Variants in TUBB3 observed in about 807,000 individuals in gnomAD.
TUBB3 encodes tubulin beta-3 chain.
Under a neutral mutation model 37.8 loss-of-function variants are expected in TUBB3, and 17 were observed. The ratio of observed to expected loss-of-function variants is 0.45; its 90% CI spans 0.31 to 0.67. TUBB3 has a LOEUF of 0.67. Ranked by LOEUF, TUBB3 falls within the 30% of genes least tolerant of loss-of-function variation. The pLI, the probability that TUBB3 is intolerant of heterozygous loss-of-function variation, is 0.07. For synonymous variants in TUBB3, 332 were observed against 278.9 expected, an observed-to-expected ratio of 1.19 and a Z score of -1.90; for missense variants, 262 against 657.9, an observed-to-expected ratio of 0.40 and a Z score of 6.58.
chr16:89,936,046 G>A lies in TUBB3; in HGVS notation c.*242G>A. The A allele has an allele frequency of 1.7e-6, 1 of 598,866 alleles. No homozygotes were observed. The highest frequency in any genetic ancestry group is 2.9e-6 in the Non-Finnish European group (1 of 339,490). 37.1% of individuals were successfully genotyped at this position (598,866 alleles called of 1,614,324 possible). A position where few individuals can be genotyped will look rare whatever the true frequency, so the allele number is the denominator to read the frequency against. Reference sequence around the variant, plus strand: ...TTACGGTTTTGTTTTTTACTGGTTTGTGTTTATATTTTCGGGGATACTTAA... The same window carrying A: ...TTACGGTTTTGTTTTTTACTGGTTTATGTTTATATTTTCGGGGATACTTAA... On this transcript the variant is annotated 3_prime_UTR_variant, in exon 4 of 4. Coordinates refer to ENST00000315491, the MANE Select transcript of TUBB3 (RefSeq NM_006086.4).
rs2030309564 is a variant in TUBB3, at chr16:89,932,424, T to C, written c.58-147T>C. On this transcript the variant is annotated intron_variant, in intron 1 of 3. Transcript: ENST00000315491. The stretch of plus-strand genomic sequence containing the variant: ...GGCAATTTTCTGACAGGTAACAGAG[T>C]GTGGGGCTCTCTTCTGAATGGGGCT... 7.0e-5 allele frequency: 48 copies of C among 682,682 alleles called. 1 individual carries two copies. In the South Asian group the frequency reaches 7.1e-4, roughly 10 times the overall value. The allele number at this position is 682,682 out of a possible 1,614,324, so 42.3% of individuals were successfully genotyped here.
At chr16:89,933,298 A>G in intron 2 of TUBB3, 170 bp from the exon 3 acceptor site, 1 of 748,966 alleles carries the variant, frequency 1.3e-6, no homozygotes, top group East Asian at 2.5e-5. Flanking sequence ...GTGAGGCTTA[A>G]GGGTGAAGAA....
chr16:89,925,593 C>G (rs991618166), intron 1 of TUBB3, among the ~76,000 whole-genome samples: 3 of 152,060 alleles, frequency 2.0e-5, no homozygotes, highest in East Asian at 3.9e-4. Context: ...GAGATCCTGT[C>G]TCACAGTAAT....
intron 1 of TUBB3, among the ~76,000 whole-genome samples, chr16:89,925,719 T>C (rs2030052378): frequency 6.6e-6 from 1 of 151,802 alleles, no homozygotes; most frequent in Non-Finnish European, 1.5e-5. Flanking sequence ...CAATGGGAAG[T>C]TCCTTGGCCG....
At position 89,936,046 on chromosome 16, in the gene TUBB3, G is replaced by T. The variant is rs1390942460; in HGVS notation, c.*242G>T. 5 of 598,748 alleles carry T rather than the reference G, an allele frequency of 8.4e-6. No homozygotes were observed. The highest frequency in any genetic ancestry group is 1.2e-5 in the Non-Finnish European group (4 of 339,498). 37.1% of individuals were successfully genotyped at this position (598,748 alleles called of 1,614,324 possible). On this transcript the variant is annotated 3_prime_UTR_variant, in exon 4 of 4. Transcript: ENST00000315491. ...TTACGGTTTTGTTTTTTACTGGTTT[G>T]TGTTTATATTTTCGGGGATACTTAA...
chr16:89,935,837 C>T lies in TUBB3; in HGVS notation c.*33C>T, dbSNP rs941389249. The T allele has an allele frequency of 8.2e-6, 13 of 1,594,668 alleles. 1 individual carries two copies. Among genetic ancestry groups the T allele is most frequent in the Admixed American group, 5.3e-5 (3 of 57,072 alleles). Reference sequence around the variant, plus strand: ...CGCAGCTGGAGTGAGAGGCAGGTGGCGGCCGGGGCCGAAGCCAGCAGTGTC... The same window carrying T: ...CGCAGCTGGAGTGAGAGGCAGGTGGTGGCCGGGGCCGAAGCCAGCAGTGTC... On this transcript the variant is annotated 3_prime_UTR_variant, in exon 4 of 4. Transcript: ENST00000315491.
rs1310108341 is a variant in TUBB3 at position 89,935,771 on chromosome 16, CGAG to C, written c.1327_1329del (p.Glu443del). 1.2e-6 allele frequency: 2 copies of C among 1,613,768 alleles called. No homozygotes were observed. The highest frequency in any genetic ancestry group is 1.1e-5 in the South Asian group (1 of 91,084). ...AAGAGGGCGAGATGTACGAAGACGA[CGAG>C]GAGGAGTCGGAGGCCCAGGGCCCCA... is the stretch of plus-strand genomic sequence containing the variant. On this transcript the variant is annotated inframe_deletion, in exon 4 of 4. Transcript: ENST00000315491.
chr16:89,931,927 T>C (rs1028912991), intron 1 of TUBB3: 10 of 346,214 alleles, frequency 2.9e-5, no homozygotes, highest in Admixed American at 2.7e-4. Flanking sequence ...ACGGACAGGC[T>C]GGGTGACCTC....
At chr16:89,933,431 C>CT in intron 2 of TUBB3, 37 bp from the exon 3 acceptor site, 2 of 1,527,552 alleles carry the variant, frequency 1.3e-6, no homozygotes, top group Non-Finnish European at 1.8e-6. Flanking sequence ...CTCTGGCCCT[C>CT]TGTGACCCGA....
chr16:89,927,780 G>C (rs1261521219), intron 1 of TUBB3, among the ~76,000 whole-genome samples: 1 of 152,226 alleles, frequency 6.6e-6, no homozygotes, highest in Non-Finnish European at 1.5e-5. Flanking sequence ...CTGTGCTCGT[G>C]CTGGGTCTTG....
intron 2 of TUBB3, 43 bp downstream of exon 2, chr16:89,932,722 C>G (rs2030321805): frequency 2.0e-6 from 3 of 1,528,206 alleles, no homozygotes; most frequent in Non-Finnish European, 1.8e-6. Flanking sequence ...CCTGGACTGA[C>G]CAGGTCTCAG....
In TUBB3 at chr16:89,935,796, C is replaced by G; in HGVS notation, c.1345C>G (p.Pro449Ala). 17 of 1,612,900 alleles carry G rather than the reference C, an allele frequency of 1.1e-5. No individual in the cohort carries two copies. The highest frequency in any genetic ancestry group is 1.4e-5 in the Non-Finnish European group (17 of 1,179,444). ...DDEEESEAQG[P>A]K is the part of the protein sequence containing the mutation. ...CGAGGAGGAGTCGGAGGCCCAGGGC[C>G]CCAAGTGAAGCTGCTCGCAGCTGGA... is the stretch of plus-strand genomic sequence containing the variant. Residue 449 changes from proline (P) to alanine (A), a missense_variant, in exon 4 of 4, where the codon CCC (proline) becomes GCC (alanine). Physicochemically the swap from Pro to Ala is conservative, Grantham distance 27 (BLOSUM62 -1). Coordinates refer to ENST00000315491, the MANE Select transcript of TUBB3 (RefSeq NM_006086.4).
intron 1 of TUBB3, among the ~76,000 whole-genome samples, chr16:89,924,469 G>T (rs936260711): frequency 2.0e-5 from 3 of 152,082 alleles, no homozygotes; most frequent in Non-Finnish European, 4.4e-5. Flanking sequence ...GGGGATCGGG[G>T]GGGGAGGCTG....
At chr16:89,931,897 T>C in intron 1 of TUBB3, 1 of 389,522 alleles carries the variant, frequency 2.6e-6, no homozygotes. Context: ...CCCTGGGAGC[T>C]GAGACGATGC....
At position 89,923,425 on chromosome 16, in the gene TUBB3, G is replaced by A; in HGVS notation, c.24G>A (p.Gln8=). 6.6e-7 allele frequency: 1 copy of A among 1,513,194 alleles called. No homozygotes were observed. Among genetic ancestry groups the A allele is most frequent in the Non-Finnish European group, 8.8e-7 (1 of 1,130,348 alleles). The allele number at this position is 1,513,194 out of a possible 1,614,324, so 93.7% of individuals were successfully genotyped here. A position where few individuals can be genotyped will look rare whatever the true frequency, so the allele number is the denominator to read the frequency against. ...GTATGAGGGAGATCGTGCACATCCA[G>A]GCCGGCCAGTGCGGCAACCAGATCG... MREIVHI[Q]AGQCGNQIGA... is the part of the protein sequence containing the mutation. Residue 8 remains glutamine, a synonymous_variant, in exon 1 of 4, where the codon CAG becomes CAA. Transcript: ENST00000315491.
chr16:89,922,782 C>G, upstream of TUBB3: 1 of 152,300 alleles, frequency 6.6e-6, no homozygotes, highest in South Asian at 2.1e-4. Context: ...CGCCACCCCT[C>G]TGTGTTCGCG....
chr16:89,923,386 G>C lies in TUBB3; in HGVS notation c.-16G>C. 2.7e-6 allele frequency: 4 copies of C among 1,470,196 alleles called. No homozygotes were observed. The highest frequency in any genetic ancestry group is 3.6e-6 in the Non-Finnish European group (4 of 1,107,562). The allele number at this position is 1,470,196 out of a possible 1,614,324, so 91.1% of individuals were successfully genotyped here. On this transcript the variant is annotated 5_prime_UTR_variant, in exon 1 of 4. Transcript: ENST00000315491. The stretch of plus-strand genomic sequence containing the variant: ...CGCCCGCGCCCGTCCGCAGCCGCCC[G>C]CCAGACGCGCCCAGTATGAGGGAGA...
intron 1 of TUBB3, among the ~76,000 whole-genome samples, chr16:89,925,955 C>T (rs2030061574): frequency 6.6e-6 from 1 of 152,170 alleles, no homozygotes; most frequent in South Asian, 2.1e-4. Context: ...CCCGGCAGCT[C>T]GCGGGGATGC....
chr16:89,924,689 C>G (rs995485479), intron 1 of TUBB3, among the ~76,000 whole-genome samples: 1 of 151,984 alleles, frequency 6.6e-6, no homozygotes, highest in Non-Finnish European at 1.5e-5. Context: ...ACTTTGGCTC[C>G]GGGTGGAGGC....
Sources: allele counts gnomAD v4.1 joint callset (sites outside exome capture counted in the v4.1 genomes callset), GRCh38; gene constraint gnomAD v4.1.1; transcripts MANE v1.5; gene names NCBI Gene and HGNC (gene_info 2026-07-23, HGNC 2026-07-21).